CUBN: variants seen among roughly 807,000 people sequenced by gnomAD.
CUBN encodes 460 kDa receptor.
In CUBN, 282 loss-of-function variants were observed where a neutral mutation model predicts 405.3. The observed-to-expected ratio is 0.70, with a 90% CI of 0.63 to 0.77. The LOEUF is 0.77. CUBN is among the 30% of genes least tolerant of loss of function. The pLI, the probability that CUBN is intolerant of heterozygous loss-of-function variation, is 0.00. For missense variants in CUBN, 4,514 were observed against 4,475.2 expected (o/e 1.01, Z -0.25); for synonymous variants, 1,684 against 1,617.0 (o/e 1.04, Z -0.99).
At chr10:16,941,618 A>G (rs759084379) in intron 36 of CUBN, among the ~76,000 whole-genome samples, 1 of 152,162 alleles carries the variant, frequency 6.6e-6, no homozygotes, top group Non-Finnish European at 1.5e-5. Context: ...CTGAGGTGGG[A>G]GGATCACTTG....
At position 17,045,128 on chromosome 10, in the gene CUBN, G is replaced by C. The variant is rs886046876; in HGVS notation, c.3551C>G (p.Pro1184Arg). ...GTFISPNYPM[P>R]YYHSSECYWW... ...GTAGCATTCAGAGCTGTGGTAATAG[G>C]GCATCGGGTAGTTGGGAGATATGAA... The change falls in exon 25 of 67, where the codon CCC (proline) becomes CGC (arginine). Residue 1184 changes from proline (P) to arginine (R), a missense_variant. Pro to Arg is a moderately radical substitution (Grantham distance 103). Transcript: ENST00000377833. 1 of 1,613,840 alleles carries C rather than the reference G, an allele frequency of 6.2e-7. No homozygotes were observed. Among genetic ancestry groups the C allele is most frequent in the Non-Finnish European group, 8.5e-7 (1 of 1,179,988 alleles).
At chr10:16,868,760 T>C (rs1346424146) in intron 59 of CUBN, among the ~76,000 whole-genome samples, 2 of 152,162 alleles carry the variant, frequency 1.3e-5, no homozygotes, top group Non-Finnish European at 2.9e-5. Flanking sequence ...CTCACCTAAC[T>C]TTACCTACCC....
At chr10:17,117,944 G>C (rs1324654046) in intron 6 of CUBN, among the ~76,000 whole-genome samples, 1 of 152,108 alleles carries the variant, frequency 6.6e-6, no homozygotes, top group African/African-American at 2.4e-5. Flanking sequence ...CAGTCTACAG[G>C]CATTCCCCTG....
rs199499934 is a variant in CUBN, at chr10:16,851,373, C to T, written c.9525G>A (p.Ser3175=). The change falls in exon 60 of 67, where the codon TCG becomes TCA. Residue 3175 remains serine, a synonymous_variant. Coordinates refer to ENST00000377833, the MANE Select transcript of CUBN (RefSeq NM_001081.4). ...NNTFASPDSD[S]NGMYDKNLNC... is the part of the protein sequence containing the mutation. ...TTAAATTCTTGTCATACATTCCATT[C>T]GAATCAGAATCAGGAGAGGCAAAGG... 48 of 1,614,092 alleles carry T rather than the reference C, an allele frequency of 3.0e-5. No homozygotes were observed. In the East Asian group the frequency reaches 6.7e-4, roughly 22 times the overall value.
Position 16,913,996 on chromosome 10 carries a change from A to T in CUBN, c.7352-4T>A, listed in dbSNP as rs991041587. On this transcript the variant is annotated splice_polypyrimidine_tract_variant and splice_region_variant and intron_variant, in intron 47 of 66. Coordinates refer to ENST00000377833, the MANE Select transcript of CUBN (RefSeq NM_001081.4). ...CCCTGAAGATCCCCACCACACTCTG[A>T]CGTGGGGAAAAAGCCAAGAAAACTT... 1.9e-6 allele frequency: 3 copies of T among 1,613,724 alleles called. No individual in the cohort carries two copies. Among genetic ancestry groups the T allele is most frequent in the Non-Finnish European group, 2.5e-6 (3 of 1,179,958 alleles).
chr10:16,828,848 C>T lies in CUBN; in HGVS notation c.10721G>A (p.Gly3574Glu). ...CVQNYLTLYDGPNASSPSSGP... is the reference protein window; with the variant it reads ...CVQNYLTLYDEPNASSPSSGP... ...AGAGGATGGAGAGCTGGCGTTGGGC[C>T]CATCATAGAGTGTGAGATAGTTCTG... The change falls in exon 66 of 67, where the codon GGG (glycine) becomes GAG (glutamate). Residue 3574 changes from glycine to glutamate, a missense_variant. Coordinates refer to ENST00000377833, the MANE Select transcript of CUBN (RefSeq NM_001081.4). 1 of 1,614,090 alleles carries T rather than the reference C, an allele frequency of 6.2e-7. No individual in the cohort carries two copies. The highest frequency in any genetic ancestry group is 8.5e-7 in the Non-Finnish European group (1 of 1,179,996).
Position 16,876,999 on chromosome 10 carries a change from C to T in CUBN, c.9004G>A (p.Glu3002Lys), listed in dbSNP as rs748399984. 5.9e-5 allele frequency: 95 copies of T among 1,614,014 alleles called. No individual in the cohort carries two copies. Among genetic ancestry groups the T allele is most frequent in the Non-Finnish European group, 8.0e-5 (94 of 1,180,012 alleles). Residue 3002 changes from glutamate (E) to lysine (K), a missense_variant, in exon 57 of 67, where the codon GAG becomes AAG. By Grantham distance (56) the Glu-to-Lys change is moderately conservative (BLOSUM62 1). This residue lies in a region of CUBN where 1,186 missense variants were observed against 1,186.9 expected (regional missense o/e 1.00). Transcript: ENST00000377833. Reference protein sequence around the residue: ...STPFATVCGDEMPAPLTIAGP... With the variant: ...STPFATVCGDKMPAPLTIAGP... ...GCGATGGTGAGGGGAGCTGGCATCT[C>T]ATCCCCACACACAGTAGCAAATGGG...
At chr10:16,847,170 T>C (rs1353855372) in intron 60 of CUBN, among the ~76,000 whole-genome samples, 1 of 152,100 alleles carries the variant, frequency 6.6e-6, no homozygotes, top group African/African-American at 2.4e-5. Flanking sequence ...TAAATGTGTT[T>C]GGCCGGGCGT....
intron 54 of CUBN, among the ~76,000 whole-genome samples, chr10:16,895,193 G>T (rs1337547033): frequency 1.3e-5 from 2 of 152,086 alleles, no homozygotes; most frequent in East Asian, 3.8e-4. Context: ...TATACTCAAA[G>T]AACACACTCT....
intron 66 of CUBN, among the ~76,000 whole-genome samples, chr10:16,826,774 G>A (rs924159745): frequency 1.3e-5 from 2 of 152,060 alleles, no homozygotes; most frequent in East Asian, 1.9e-4. Context: ...ACCTGAACTC[G>A]GTTTATACAA....
At chr10:16,955,992 A>G (rs1286154570) in intron 31 of CUBN, among the ~76,000 whole-genome samples, 2 of 151,828 alleles carry the variant, frequency 1.3e-5, no homozygotes, top group African/African-American at 2.4e-5. Flanking sequence ...ACAAATTGCC[A>G]TTTATATTTC....
In CUBN at chr10:17,065,536, T is replaced by C; in HGVS notation, c.3111A>G (p.Ile1037Met). ...DSDLAYEGFL[I>M]NYEAISAATA... ...TTGCTGCACTGATTGCTTCATAGTT[T>C]ATTAAGAAGCCTTCATAAGCGAGGT... Residue 1037 changes from isoleucine (I) to methionine (M), a missense_variant, in exon 22 of 67, where the codon ATA (isoleucine) becomes ATG (methionine). By Grantham distance (10) the Ile-to-Met change is conservative. Coordinates refer to ENST00000377833, the MANE Select transcript of CUBN (RefSeq NM_001081.4). The C allele has an allele frequency of 6.2e-7, 1 of 1,613,570 alleles. No individual in the cohort carries two copies. The highest frequency in any genetic ancestry group is 8.5e-7 in the Non-Finnish European group (1 of 1,179,556).
intron 21 of CUBN, 87 bp downstream of exon 21, chr10:17,067,977 C>T: frequency 1.5e-6 from 1 of 656,314 alleles, no homozygotes; most frequent in East Asian, 4.2e-5. Context: ...GTTTTCATAA[C>T]ACAACGTGGT....
intron 30 of CUBN, 26 bp from the exon 31 acceptor site, chr10:16,982,679 C>T (rs755864960): frequency 2.5e-6 from 4 of 1,599,962 alleles, no homozygotes; most frequent in African/African-American, 2.7e-5. Context: ...ACAATTATTT[C>T]ATGAGAGGAA....
At chr10:16,914,433 C>T (rs1841825121) in intron 47 of CUBN, among the ~76,000 whole-genome samples, 1 of 151,970 alleles carries the variant, frequency 6.6e-6, no homozygotes, top group African/African-American at 2.4e-5. Context: ...GTGGCGTGCG[C>T]CTGTAATCTC....
At chr10:16,906,775 G>A (rs1436770891) in intron 49 of CUBN, among the ~76,000 whole-genome samples, 1 of 152,110 alleles carries the variant, frequency 6.6e-6, no homozygotes, top group African/African-American at 2.4e-5. Flanking sequence ...TTCTCCACTT[G>A]ATCTAATAAA....
chr10:17,034,461 C>G (rs1263231317), intron 27 of CUBN, among the ~76,000 whole-genome samples: 1 of 151,990 alleles, frequency 6.6e-6, no homozygotes, highest in Non-Finnish European at 1.5e-5. Flanking sequence ...GATACTTTTC[C>G]CTCCCCAGGA....
chr10:16,831,111 T>G (rs1838977141), intron 65 of CUBN, 141 bp downstream of exon 65: 1 of 780,118 alleles, frequency 1.3e-6, no homozygotes, highest in South Asian at 1.6e-5. Flanking sequence ...AATCTGTACT[T>G]TCAATGTTAA....
chr10:16,832,460 C>T (rs1216698854), intron 64 of CUBN, among the ~76,000 whole-genome samples: 1 of 152,070 alleles, frequency 6.6e-6, no homozygotes, highest in African/African-American at 2.4e-5. Flanking sequence ...CTTTCTAGTG[C>T]TTTGGGGATT....
Sources: gnomAD v4.1 joint callset for allele counts (sites outside exome capture counted in the v4.1 genomes callset) on GRCh38, gnomAD v4.1.1 for gene constraint, gnomAD v4.1.1 regional missense constraint, MANE v1.5 for transcripts, NCBI Gene and HGNC (gene_info 2026-07-23, HGNC 2026-07-21) for gene names.